The following UNC5D variants were observed in gnomAD, a reference collection of about 807,000 sequenced individuals.
The protein encoded by UNC5D is unc-5 netrin receptor D.
Under a neutral mutation model 105.4 loss-of-function variants are expected in UNC5D, and 39 were observed. The ratio of observed to expected loss-of-function variants is 0.37; its 90% CI spans 0.29 to 0.48. The LOEUF (loss-of-function observed/expected upper bound fraction) is 0.48, where lower values mean the gene tolerates loss of function less well. Ranked by LOEUF, UNC5D falls within the 20% of genes least tolerant of loss-of-function variation. UNC5D has a pLI of 0.98. For missense variants in UNC5D, 991 were observed against 1,202.4 expected (o/e 0.82, Z 2.60); for synonymous variants, 452 against 450.4 (o/e 1.00, Z -0.04).
chr8:35,655,197 C>T (rs1234628781), intron 4 of UNC5D, among the ~76,000 whole-genome samples: 1 of 152,160 alleles, frequency 6.6e-6, no homozygotes, highest in African/African-American at 2.4e-5. Flanking sequence ...TAAACATGCT[C>T]AAGCTATCAT....
chr8:35,549,271 A>T, intron 1 of UNC5D, 21 bp from the exon 2 acceptor site: 1 of 1,611,860 alleles, frequency 6.2e-7, no homozygotes, highest in Non-Finnish European at 8.5e-7. Flanking sequence ...CTGTGTTCTG[A>T]TGTCTTTTTT....
chr8:35,779,816 C>A (rs1802422341), intron 16 of UNC5D, among the ~76,000 whole-genome samples: 1 of 152,136 alleles, frequency 6.6e-6, no homozygotes, highest in Non-Finnish European at 1.5e-5. Flanking sequence ...TATGAACAAG[C>A]ATCAGGGGAT....
chr8:35,770,005 T>C (rs543488846), intron 15 of UNC5D, among the ~76,000 whole-genome samples: 14 of 152,188 alleles, frequency 9.2e-5, no homozygotes, highest in African/African-American at 3.1e-4. Context: ...GACTTAATTT[T>C]TTGGTAAATG....
At chr8:35,256,624 A>G (rs901615549) in intron 1 of UNC5D, 1 of 152,136 alleles carries the variant, frequency 6.6e-6, no homozygotes, top group African/African-American at 2.4e-5. Flanking sequence ...AAAGAAACTA[A>G]AACTCAGGTA....
At chr8:35,264,747 A>C (rs1804733604) in intron 1 of UNC5D, among the ~76,000 whole-genome samples, 1 of 151,588 alleles carries the variant, frequency 6.6e-6, no homozygotes, top group Non-Finnish European at 1.5e-5. Context: ...AAAAAAAAAA[A>C]AAAAAAGAGT....
At chr8:35,529,624 G>A (rs1295446194) in intron 1 of UNC5D, among the ~76,000 whole-genome samples, 11 of 105,004 alleles carry the variant, frequency 1.0e-4, no homozygotes, top group African/African-American at 3.2e-4. Flanking sequence ...CATTGAATCT[G>A]TAAATTACCT....
chr8:35,566,595 C>T (rs1406158228), intron 2 of UNC5D, among the ~76,000 whole-genome samples: 1 of 152,204 alleles, frequency 6.6e-6, no homozygotes, highest in South Asian at 2.1e-4. Context: ...GTGCGAACAC[C>T]AGGCTCACAC....
At chr8:35,517,032 G>A (rs547183043) in intron 1 of UNC5D, among the ~76,000 whole-genome samples, 10 of 152,266 alleles carry the variant, frequency 6.6e-5, no homozygotes, top group African/African-American at 2.4e-4. Flanking sequence ...ATTCATTTCT[G>A]CTGTTACAAT....
At chr8:35,373,291 C>A (rs997248478) in intron 1 of UNC5D, among the ~76,000 whole-genome samples, 13 of 152,130 alleles carry the variant, frequency 8.5e-5, no homozygotes, top group African/African-American at 2.9e-4. Flanking sequence ...TTGTGCCCCA[C>A]CGTTCAGTGA....
chr8:35,424,364 C>G (rs1585810356), intron 1 of UNC5D, among the ~76,000 whole-genome samples: 1 of 152,248 alleles, frequency 6.6e-6, no homozygotes, highest in Middle Eastern at 3.4e-3. Context: ...TTTACATTCT[C>G]TCATTAGTAG....
At chr8:35,715,116 A>T (rs1828182582) in intron 8 of UNC5D, among the ~76,000 whole-genome samples, 1 of 152,190 alleles carries the variant, frequency 6.6e-6, no homozygotes, top group Non-Finnish European at 1.5e-5. Flanking sequence ...GTGCTATTGC[A>T]CTCTACCCTG....
chr8:35,351,449 G>T (rs1414896019), intron 1 of UNC5D, among the ~76,000 whole-genome samples: 1 of 152,038 alleles, frequency 6.6e-6, no homozygotes, highest in African/African-American at 2.4e-5. Flanking sequence ...GTAGAACAAT[G>T]CAGTTTAAAT....
intron 4 of UNC5D, among the ~76,000 whole-genome samples, chr8:35,629,436 A>G (rs890950056): frequency 6.6e-6 from 1 of 152,170 alleles, no homozygotes; most frequent in African/African-American, 2.4e-5. Flanking sequence ...ATTCAGCAAC[A>G]GAAAATCAAA....
In UNC5D at chr8:35,268,487, A is replaced by G. The variant is rs113507453; in HGVS notation, c.103+32600A>G. Among the ~76,000 whole-genome samples the G allele has an allele frequency of 1.6e-4, 25 of 152,246 alleles. 3 individuals carry two copies. Among genetic ancestry groups the G allele is most frequent in the African/African-American group, 5.8e-4 (24 of 41,566 alleles). On this transcript the variant is annotated intron_variant, in intron 1 of 16. Transcript: ENST00000404895. ...ACTCCTTTATCACCAAGTAAACCAAAATAGTCAAAAGTACTATTGCATATT... is the reference window on the plus strand; with the variant it reads ...ACTCCTTTATCACCAAGTAAACCAAGATAGTCAAAAGTACTATTGCATATT...
chr8:35,651,518 G>T (rs967972924), intron 4 of UNC5D, among the ~76,000 whole-genome samples: 1 of 152,188 alleles, frequency 6.6e-6, no homozygotes, highest in Non-Finnish European at 1.5e-5. Flanking sequence ...AAATACAAAA[G>T]AGTATATGTA....
At chr8:35,781,819 C>T (rs899707079) in intron 16 of UNC5D, among the ~76,000 whole-genome samples, 1 of 152,192 alleles carries the variant, frequency 6.6e-6, no homozygotes, top group Non-Finnish European at 1.5e-5. Context: ...CATTTGGCAA[C>T]AGACAGTCCT....
chr8:35,400,577 C>G (rs1029693144), intron 1 of UNC5D, among the ~76,000 whole-genome samples: 1 of 152,164 alleles, frequency 6.6e-6, no homozygotes, highest in African/African-American at 2.4e-5. Flanking sequence ...CCTGCACTCA[C>G]CTCTCCTAGC....
At chr8:35,628,204 G>A (rs1454993551) in intron 4 of UNC5D, among the ~76,000 whole-genome samples, 1 of 152,086 alleles carries the variant, frequency 6.6e-6, no homozygotes, top group Non-Finnish European at 1.5e-5. Context: ...CATGATGTCA[G>A]TTTACTGCAA....
At chr8:35,727,813 G>A (rs1044025093) in intron 10 of UNC5D, 2 of 151,846 alleles carry the variant, frequency 1.3e-5, no homozygotes, top group African/African-American at 4.8e-5. Context: ...GTTGATAATT[G>A]GAAGATAATG....
Sources: allele counts gnomAD v4.1 joint callset (sites outside exome capture counted in the v4.1 genomes callset), GRCh38; gene constraint gnomAD v4.1.1; transcripts MANE v1.5; gene names NCBI Gene and HGNC (gene_info 2026-07-23, HGNC 2026-07-21).